AP3S1: variants seen among roughly 807,000 people sequenced by gnomAD.
AP3S1 encodes the protein AP-3 complex subunit sigma-1.
Under a neutral mutation model 21.3 loss-of-function variants are expected in AP3S1, and 12 were observed. The observed-to-expected ratio is 0.56, with a 90% CI of 0.36 to 0.91. The LOEUF is 0.91. AP3S1 is among the 40% of genes least tolerant of loss of function. The pLI is 0.01. For missense variants in AP3S1, 116 were observed against 225.0 expected (o/e 0.52, Z 3.10); for synonymous variants, 48 against 78.4 (o/e 0.61, Z 2.05).
At chr5:115,904,192 T>C (rs1321333262) in intron 5 of AP3S1, 1 of 152,230 alleles carries the variant, frequency 6.6e-6, no homozygotes, top group Non-Finnish European at 1.5e-5. Context: ...AAACAGACTT[T>C]ATTTTTATAA....
At chr5:115,906,702 A>G (rs1486053030) in intron 5 of AP3S1, 3 of 685,304 alleles carry the variant, frequency 4.4e-6, no homozygotes, top group Non-Finnish European at 6.6e-6. Flanking sequence ...TATGTATTTC[A>G]TGTTATTCTT....
chr5:115,869,311 C>T (rs1421379497), intron 2 of AP3S1, among the ~76,000 whole-genome samples: 1 of 152,100 alleles, frequency 6.6e-6, no homozygotes, highest in Non-Finnish European at 1.5e-5. Context: ...CTATCCAAAA[C>T]TTAAGAAGTG....
chr5:115,852,614 A>C (rs1444732306), intron 1 of AP3S1, among the ~76,000 whole-genome samples: 1 of 152,030 alleles, frequency 6.6e-6, no homozygotes, highest in East Asian at 1.9e-4. Context: ...ATTAGCAGTC[A>C]CTTTTCAATC....
At position 115,883,104 on chromosome 5, in the gene AP3S1, TA is replaced by T. The variant is rs561059963; in HGVS notation, c.274-11982del. Among the ~76,000 whole-genome samples the T allele has an allele frequency of 1.9e-4, 29 of 152,272 alleles. No homozygotes were observed. The East Asian group carries it at 5.6e-3, about 30-fold the overall frequency. On this transcript the variant is annotated intron_variant, in intron 3 of 5. Transcript: ENST00000316788. ...TTCAGACTGCTGTGCTGGCAGCAAA[TA>T]TTCAAGCCAGTGGACCTTAGCTTGC...
intron 1 of AP3S1, among the ~76,000 whole-genome samples, chr5:115,861,244 G>A (rs940995044): frequency 6.6e-6 from 1 of 152,190 alleles, no homozygotes; most frequent in Non-Finnish European, 1.5e-5. Flanking sequence ...AGAATGGAGT[G>A]TGGAAGTTGT....
At chr5:115,875,259 T>A (rs984190282) in intron 3 of AP3S1, among the ~76,000 whole-genome samples, 15 of 152,318 alleles carry the variant, frequency 9.8e-5, no homozygotes, top group African/African-American at 3.6e-4. Flanking sequence ...TGATAAGAAA[T>A]AGTCTTCATT....
intron 5 of AP3S1, among the ~76,000 whole-genome samples, chr5:115,910,983 A>G (rs1197559974): frequency 1.3e-5 from 2 of 152,130 alleles, no homozygotes; most frequent in African/African-American, 4.8e-5. Flanking sequence ...TTGCATGTCT[A>G]TGGCTTGCTG....
chr5:115,902,519 C>G (rs1176097702), intron 4 of AP3S1, among the ~76,000 whole-genome samples: 1 of 151,986 alleles, frequency 6.6e-6, no homozygotes, highest in Non-Finnish European at 1.5e-5. Context: ...ATAAAAGGCT[C>G]TTATAAATCA....
chr5:115,893,315 A>G (rs535179228), intron 3 of AP3S1, among the ~76,000 whole-genome samples: 1 of 152,330 alleles, frequency 6.6e-6, no homozygotes, highest in African/African-American at 2.4e-5. Flanking sequence ...TTTCCATTTC[A>G]AGATAAGTGG....
At chr5:115,846,312 G>A (rs1561466906) in intron 1 of AP3S1, among the ~76,000 whole-genome samples, 3 of 152,146 alleles carry the variant, frequency 2.0e-5, no homozygotes, top group Non-Finnish European at 4.4e-5. Flanking sequence ...CCTGGCCTGT[G>A]AATTACTTTT....
intron 5 of AP3S1, chr5:115,912,280 G>A (rs1452235998): frequency 1.3e-5 from 2 of 151,996 alleles, no homozygotes; most frequent in African/African-American, 4.8e-5. Context: ...CAAAGTGGAA[G>A]ATTCGTTTTT....
chr5:115,885,689 C>G (rs1749719223), intron 3 of AP3S1, among the ~76,000 whole-genome samples: 1 of 152,212 alleles, frequency 6.6e-6, no homozygotes, highest in Admixed American at 6.5e-5. Context: ...AGAAACAATA[C>G]TTTACCAGCT....
intron 5 of AP3S1, among the ~76,000 whole-genome samples, chr5:115,904,247 T>A (rs1190756538): frequency 2.6e-5 from 4 of 152,222 alleles, no homozygotes; most frequent in Non-Finnish European, 5.9e-5. Context: ...AAAGTAAATA[T>A]TACTTTGAAA....
At chr5:115,875,141 G>T (rs1748588745) in intron 3 of AP3S1, among the ~76,000 whole-genome samples, 1 of 151,212 alleles carries the variant, frequency 6.6e-6, no homozygotes, top group Non-Finnish European at 1.5e-5. Flanking sequence ...AAGTAAATAT[G>T]TTTTTTTTTA....
intron 1 of AP3S1, 75 bp from the exon 2 acceptor site, chr5:115,866,595 T>C: frequency 9.6e-7 from 1 of 1,042,196 alleles, no homozygotes; most frequent in Non-Finnish European, 1.3e-6. Context: ...ATTGCTACCT[T>C]TGATTTTAAA....
At chr5:115,899,958 G>GGA (rs1045293316) in intron 4 of AP3S1, among the ~76,000 whole-genome samples, 1 of 151,786 alleles carries the variant, frequency 6.6e-6, no homozygotes, top group Non-Finnish European at 1.5e-5. Context: ...CATTTAAGAG[G>GGA]GAGAGATATA....
At chr5:115,891,558 C>T (rs1750302640) in intron 3 of AP3S1, among the ~76,000 whole-genome samples, 1 of 152,112 alleles carries the variant, frequency 6.6e-6, no homozygotes, top group South Asian at 2.1e-4. Context: ...CACATTTACC[C>T]ACTTATTATA....
chr5:115,869,953 C>A, intron 2 of AP3S1, 64 bp from the exon 3 acceptor site: 1 of 1,014,886 alleles, frequency 9.9e-7, no homozygotes, highest in Non-Finnish European at 1.4e-6. Flanking sequence ...TGTCAGTTTG[C>A]TTGAGCTAAT....
intron 3 of AP3S1, among the ~76,000 whole-genome samples, chr5:115,888,899 T>C (rs1242880726): frequency 6.6e-6 from 1 of 152,154 alleles, no homozygotes; most frequent in East Asian, 1.9e-4. Context: ...TAACTCAATT[T>C]TTATGATAAT....
Sources: gnomAD v4.1 joint callset for allele counts (sites outside exome capture counted in the v4.1 genomes callset) on GRCh38, gnomAD v4.1.1 for gene constraint, MANE v1.5 for transcripts, NCBI Gene and HGNC (gene_info 2026-07-23, HGNC 2026-07-21) for gene names.